SLC35D2: variants seen among roughly 807,000 people sequenced by gnomAD.
SLC35D2 encodes solute carrier family 35 member D2, also known as nucleotide sugar transporter SLC35D2.
Under a neutral mutation model 41.8 loss-of-function variants are expected in SLC35D2, and 43 were observed. That is an observed-to-expected ratio of 1.03 (90% CI 0.81 to 1.33). The LOEUF (loss-of-function observed/expected upper bound fraction) is 1.33, where lower values mean the gene tolerates loss of function less well. SLC35D2 is among the 40% of genes most tolerant of loss of function. SLC35D2 has a pLI of 0.00. For synonymous variants in SLC35D2, 150 were observed against 163.9 expected, an observed-to-expected ratio of 0.92 and a Z score of 0.65; for missense variants, 380 against 408.4, an observed-to-expected ratio of 0.93 and a Z score of 0.60.
intron 7 of SLC35D2, among the ~76,000 whole-genome samples, chr9:96,344,529 AGGCC>A (rs1829479389): frequency 1.4e-5 from 1 of 69,706 alleles, no homozygotes; most frequent in Admixed American, 1.8e-4. Flanking sequence ...AAAAAAAAAA[AGGCC>A]ATGCAGGGGA....
intron 8 of SLC35D2, among the ~76,000 whole-genome samples, chr9:96,341,331 CT>C (rs1829316361): frequency 6.6e-6 from 1 of 152,076 alleles, no homozygotes; most frequent in Admixed American, 6.6e-5. Context: ...TATGTTAGGT[CT>C]CTTGTACTTT....
chr9:96,371,718 CTTTTTTTTTTTT>C (rs774105070), intron 1 of SLC35D2, among the ~76,000 whole-genome samples: 1 of 90,590 alleles, frequency 1.1e-5, no homozygotes, highest in Non-Finnish European at 2.1e-5. Context: ...AACTAAATTT[CTTTTTTTTTTTT>C]TTTTTTTTTT....
At chr9:96,358,080 T>TTTTATATATATATATATATATA (rs990002916) in intron 4 of SLC35D2, among the ~76,000 whole-genome samples, 2 of 122,712 alleles carry the variant, frequency 1.6e-5, no homozygotes, top group African/African-American at 7.8e-5. Flanking sequence ...ATTATATATT[T>TTTTATATATATATATATATATA]TATATATATA....
chr9:96,334,894 G>A (rs529887795), intron 9 of SLC35D2, among the ~76,000 whole-genome samples: 1 of 152,148 alleles, frequency 6.6e-6, no homozygotes, highest in African/African-American at 2.4e-5. Flanking sequence ...AAAAAACTGT[G>A]GAACTTTTAC....
At chr9:96,362,863 CTGTTT>C (rs1370942515) in intron 3 of SLC35D2, among the ~76,000 whole-genome samples, 2 of 150,014 alleles carry the variant, frequency 1.3e-5, no homozygotes, top group South Asian at 2.1e-4. Flanking sequence ...CTGGATGTCC[CTGTTT>C]TGTTTTTTTT....
chr9:96,383,334 C>T, intron 1 of SLC35D2, 143 bp downstream of exon 1: 1 of 508,372 alleles, frequency 2.0e-6, no homozygotes. Context: ...CTGGAGGGCG[C>T]CTGGGAAACT....
At chr9:96,376,767 G>C (rs1297757384) in intron 1 of SLC35D2, among the ~76,000 whole-genome samples, 1 of 151,800 alleles carries the variant, frequency 6.6e-6, no homozygotes, top group Non-Finnish European at 1.5e-5. Flanking sequence ...TACCAGGCCT[G>C]GCTAATTTTT....
chr9:96,329,178 T>C (rs1431476530), intron 9 of SLC35D2, among the ~76,000 whole-genome samples: 1 of 151,746 alleles, frequency 6.6e-6, no homozygotes, highest in Non-Finnish European at 1.5e-5. Context: ...TTTACATATA[T>C]ACACACACAC....
chr9:96,322,497 C>T (rs1828285668), intron 10 of SLC35D2, among the ~76,000 whole-genome samples: 1 of 152,038 alleles, frequency 6.6e-6, no homozygotes. Context: ...CCAGCCTGGG[C>T]AACAGAGCAA....
intron 1 of SLC35D2, among the ~76,000 whole-genome samples, chr9:96,374,371 TAA>T (rs1318016431): frequency 1.3e-5 from 2 of 151,876 alleles, no homozygotes; most frequent in East Asian, 3.9e-4. Flanking sequence ...CCGTCTCTAC[TAA>T]AAATACAAAA....
At chr9:96,338,378 T>A (rs1829149233) in intron 8 of SLC35D2, among the ~76,000 whole-genome samples, 1 of 152,166 alleles carries the variant, frequency 6.6e-6, no homozygotes, top group African/African-American at 2.4e-5. Flanking sequence ...CCCACTTCAC[T>A]TCTCAAAAGG....
At chr9:96,351,222 T>G in intron 5 of SLC35D2, 51 bp from the exon 6 acceptor site, 2 of 1,246,708 alleles carry the variant, frequency 1.6e-6, no homozygotes, top group Non-Finnish European at 2.3e-6. Context: ...AGGAAAACAT[T>G]GAAATATGAT....
intron 8 of SLC35D2, among the ~76,000 whole-genome samples, chr9:96,338,240 C>G (rs1417378760): frequency 1.3e-5 from 2 of 152,130 alleles, no homozygotes; most frequent in East Asian, 3.9e-4. Context: ...TTTAGAAACT[C>G]AATGTATTTA....
chr9:96,368,092 T>C (rs1830545844), intron 2 of SLC35D2, among the ~76,000 whole-genome samples, 180 bp downstream of exon 2: 1 of 152,214 alleles, frequency 6.6e-6, no homozygotes, highest in Admixed American at 6.5e-5. Flanking sequence ...GTTCCTAAAT[T>C]GTAGACTGAA....
chr9:96,320,242 G>A (rs527613911), downstream of SLC35D2, among the ~76,000 whole-genome samples: 4 of 152,272 alleles, frequency 2.6e-5, no homozygotes, highest in South Asian at 2.1e-4. Flanking sequence ...GGCCGGGTTC[G>A]GTGGCTCACG....
chr9:96,321,863 T>C (rs1366438505), intron 11 of SLC35D2, 135 bp downstream of exon 11: 2 of 599,788 alleles, frequency 3.3e-6, no homozygotes, highest in Non-Finnish European at 6.0e-6. Context: ...AAAATTATCT[T>C]AGAAATTAGA....
At chr9:96,340,401 G>A (rs911051855) in intron 8 of SLC35D2, among the ~76,000 whole-genome samples, 1 of 151,754 alleles carries the variant, frequency 6.6e-6, no homozygotes, top group Non-Finnish European at 1.5e-5. Flanking sequence ...GGCAGATCAC[G>A]AGGTCAGGAG....
downstream of SLC35D2, among the ~76,000 whole-genome samples, chr9:96,318,059 T>C (rs934855120): frequency 6.9e-6 from 1 of 145,952 alleles, no homozygotes; most frequent in Non-Finnish European, 1.5e-5. Flanking sequence ...GTCTGGGAGC[T>C]CCAAGTTTAC....
At position 96,322,059 on chromosome 9, in the gene SLC35D2, CA is replaced by C. The variant is rs1828260611; in HGVS notation, c.852del (p.Ile284MetfsTer4). On this transcript the variant is annotated frameshift_variant, in exon 11 of 12. Coordinates refer to ENST00000253270, the MANE Select transcript of SLC35D2 (RefSeq NM_007001.3). LOFTEE classifies it high-confidence loss of function. ...ATGTAGTCTCCACCGATTAATATCC[CA>C]ATGTAGGCAACGGATACATTCTGCA... The part of the protein sequence containing the change: ...GAIKNVSVAY[I>X]GILIGGDYIF... 2 of 1,603,740 alleles carry C rather than the reference CA, an allele frequency of 1.2e-6. No homozygotes were observed. The highest frequency in any genetic ancestry group is 2.7e-5 in the African/African-American group (2 of 74,604).
Sources: gnomAD v4.1 joint callset for allele counts (sites outside exome capture counted in the v4.1 genomes callset) on GRCh38, gnomAD v4.1.1 for gene constraint, MANE v1.5 for transcripts, NCBI Gene and HGNC (gene_info 2026-07-23, HGNC 2026-07-21) for gene names.